Variants in SDK1 observed in about 807,000 individuals in gnomAD.
SDK1 encodes the protein sidekick cell adhesion molecule 1.
In SDK1, 157 loss-of-function variants were observed where a neutral mutation model predicts 245.5. The ratio of observed to expected loss-of-function variants is 0.64; its 90% CI spans 0.56 to 0.73. The LOEUF is 0.73. SDK1 is among the 30% of genes least tolerant of loss of function. The pLI is 0.00. For synonymous variants in SDK1, 1,647 were observed against 1,278.5 expected, an observed-to-expected ratio of 1.29 and a Z score of -6.15; for missense variants, 3,583 against 3,002.3, an observed-to-expected ratio of 1.19 and a Z score of -4.52.
At chr7:3,733,705 A>G (rs1278474703) in intron 4 of SDK1, among the ~76,000 whole-genome samples, 4 of 152,206 alleles carry the variant, frequency 2.6e-5, no homozygotes, top group Non-Finnish European at 4.4e-5. Flanking sequence ...GTATGAAATA[A>G]AGAGAGAAAT....
At chr7:3,922,619 A>G (rs1371353978) in intron 5 of SDK1, among the ~76,000 whole-genome samples, 2 of 152,196 alleles carry the variant, frequency 1.3e-5, no homozygotes, top group Non-Finnish European at 2.9e-5. Flanking sequence ...CAGAGAAGAA[A>G]TCTAGTTTTG....
At chr7:3,731,157 A>G (rs892291078) in intron 4 of SDK1, among the ~76,000 whole-genome samples, 14 of 152,290 alleles carry the variant, frequency 9.2e-5, no homozygotes, top group African/African-American at 3.4e-4. Flanking sequence ...CCGCAGTGGC[A>G]GGGTGACGGG....
chr7:3,307,270 A>G (rs1052196687), intron 1 of SDK1, among the ~76,000 whole-genome samples: 7 of 152,178 alleles, frequency 4.6e-5, no homozygotes, highest in Non-Finnish European at 7.4e-5. Flanking sequence ...GTTCGTAGCC[A>G]TAATCCTGAG....
intron 1 of SDK1, among the ~76,000 whole-genome samples, chr7:3,454,746 C>T (rs1462969139): frequency 6.6e-6 from 1 of 152,094 alleles, no homozygotes; most frequent in African/African-American, 2.4e-5. Flanking sequence ...ACTCTTAGCC[C>T]TTTGGAGGAC....
chr7:3,346,550 G>A (rs1481607982), intron 1 of SDK1, among the ~76,000 whole-genome samples: 7 of 151,306 alleles, frequency 4.6e-5, no homozygotes, highest in African/African-American at 1.5e-4. Flanking sequence ...GTCTCACTCT[G>A]TCACCCAGGC....
At chr7:3,740,386 G>GT (rs2115051447) in intron 4 of SDK1, among the ~76,000 whole-genome samples, 1 of 152,032 alleles carries the variant, frequency 6.6e-6, no homozygotes, top group East Asian at 1.9e-4. Context: ...AAGGTTTTTG[G>GT]TCTGTTGCTT....
At chr7:3,635,593 C>T (rs1194804968) in intron 2 of SDK1, among the ~76,000 whole-genome samples, 1 of 152,180 alleles carries the variant, frequency 6.6e-6, no homozygotes, top group Non-Finnish European at 1.5e-5. Context: ...AAAGGAAATA[C>T]TTTTAAATTG....
At chr7:3,308,444 C>G (rs1042060598) in intron 1 of SDK1, among the ~76,000 whole-genome samples, 3 of 152,082 alleles carry the variant, frequency 2.0e-5, no homozygotes, top group Non-Finnish European at 4.4e-5. Flanking sequence ...AAAATTAACA[C>G]AGTAATTTTT....
intron 35 of SDK1, among the ~76,000 whole-genome samples, chr7:4,183,673 T>C (rs1040621964): frequency 1.1e-4 from 17 of 151,670 alleles, no homozygotes; most frequent in Non-Finnish European, 2.5e-4. Context: ...AGTATGCTTA[T>C]ATTTTAGCCG....
chr7:4,207,863 C>A (rs918262949), intron 36 of SDK1, among the ~76,000 whole-genome samples: 1 of 152,162 alleles, frequency 6.6e-6, no homozygotes, highest in Non-Finnish European at 1.5e-5. Flanking sequence ...AGGTGAGCAA[C>A]AGGAAAATGT....
intron 5 of SDK1, among the ~76,000 whole-genome samples, chr7:3,846,696 C>T (rs1383598743): frequency 1.3e-5 from 2 of 152,222 alleles, no homozygotes; most frequent in Admixed American, 6.5e-5. Flanking sequence ...CTCATCTTTT[C>T]CACAAGCTTG....
chr7:3,750,622 A>T (rs1779747341), intron 4 of SDK1, among the ~76,000 whole-genome samples: 1 of 152,200 alleles, frequency 6.6e-6, no homozygotes, highest in Non-Finnish European at 1.5e-5. Flanking sequence ...GCGGATGGAA[A>T]ATGAGCAAGA....
intron 13 of SDK1, among the ~76,000 whole-genome samples, chr7:3,986,306 G>C (rs1259178235): frequency 6.6e-6 from 1 of 151,512 alleles, no homozygotes; most frequent in Non-Finnish European, 1.5e-5. Context: ...TGGGATTTTA[G>C]TGAGTGGTTT....
chr7:3,605,452 A>G (rs146105759), intron 1 of SDK1, among the ~76,000 whole-genome samples: 53 of 152,364 alleles, frequency 3.5e-4, no homozygotes, highest in African/African-American at 1.2e-3. Context: ...TTGCTCAGGC[A>G]TGTAAGACCT....
chr7:3,436,045 GTTATT>G (rs1460779859), intron 1 of SDK1, among the ~76,000 whole-genome samples: 2 of 152,150 alleles, frequency 1.3e-5, no homozygotes, highest in African/African-American at 4.8e-5. Context: ...TGCATGATAA[GTTATT>G]TTAAAGAGTT....
At chr7:3,690,723 C>T (rs373670387) in intron 4 of SDK1, among the ~76,000 whole-genome samples, 1 of 152,156 alleles carries the variant, frequency 6.6e-6, no homozygotes, top group Admixed American at 6.5e-5. Flanking sequence ...TAACATTATA[C>T]TGATATATTT....
intron 4 of SDK1, among the ~76,000 whole-genome samples, chr7:3,807,395 G>A (rs767091680): frequency 3.9e-5 from 6 of 152,284 alleles, no homozygotes; most frequent in Middle Eastern, 3.4e-3. Flanking sequence ...TGGTATAGTC[G>A]CGCTCCCGGT....
chr7:3,672,094 G>C (rs987965974), intron 4 of SDK1, among the ~76,000 whole-genome samples: 2 of 152,232 alleles, frequency 1.3e-5, no homozygotes, highest in African/African-American at 4.8e-5. Flanking sequence ...CTGAGGTCTT[G>C]GAGGAGTTTT....
At chr7:3,868,482 A>G (rs1028375626) in intron 5 of SDK1, among the ~76,000 whole-genome samples, 1 of 152,322 alleles carries the variant, frequency 6.6e-6, no homozygotes, top group South Asian at 2.1e-4. Context: ...TGGTTAATGA[A>G]TTTGCTATTT....
Sources: allele counts gnomAD v4.1 joint callset (sites outside exome capture counted in the v4.1 genomes callset), GRCh38; gene constraint gnomAD v4.1.1; transcripts MANE v1.5; gene names NCBI Gene and HGNC (gene_info 2026-07-23, HGNC 2026-07-21).